The following SPIN3 variants were observed in gnomAD, a reference collection of about 807,000 sequenced individuals.
SPIN3 encodes spindlin-3.
For synonymous variants in SPIN3, 74 were observed against 74.3 expected (o/e 1.00, Z 0.02); for missense variants, 176 against 196.4 (o/e 0.90, Z 0.62).
In SPIN3 at chrX:56,991,569, G is replaced by C. The variant is rs1924338272; in HGVS notation, c.*2602C>G. The C allele has an allele frequency of 8.9e-6, 1 of 112,361 alleles. No individual in the cohort carries two copies. Among genetic ancestry groups the C allele is most frequent in the South Asian group, 3.7e-4 (1 of 2,699 alleles). The allele number at this position is 112,361 out of a possible 1,213,427, so 9.3% of individuals were successfully genotyped here. ...TTCTTGAGTCAGGAGCATGGAGAGA[G>C]GAAGAGGATAGATCCCATCATACCC... On this transcript the variant is annotated 3_prime_UTR_variant, in exon 2 of 2. Transcript: ENST00000374919.
chrX:56,986,981 A>T (rs1924234163), downstream of SPIN3, among the ~76,000 whole-genome samples: 1 of 111,387 alleles, frequency 9.0e-6, no homozygotes, highest in African/African-American at 3.3e-5. Context: ...AAAATACAAA[A>T]TTAACCAGGC....
rs1029288664 is a variant in SPIN3, at chrX:56,992,036, C to G, written c.*2135G>C. On this transcript the variant is annotated 3_prime_UTR_variant, in exon 2 of 2. Transcript: ENST00000374919. ...AAACTCCAAGGGAAAAAGGACTGCC[C>G]AAAATTAAATTTCTAATTCAAAGTC... The G allele has an allele frequency of 3.4e-6, 1 of 296,868 alleles. No individual in the cohort carries two copies. The highest frequency in any genetic ancestry group is 5.9e-6 in the Non-Finnish European group (1 of 169,949). 24.5% of individuals were successfully genotyped at this position (296,868 alleles called of 1,213,427 possible). A position where few individuals can be genotyped will look rare whatever the true frequency, so the allele number is the denominator to read the frequency against.
At chrX:56,981,716 G>A (rs1202066495) in intron 3 of SPIN3, 1 of 112,071 alleles carries the variant, frequency 8.9e-6, no homozygotes, top group Non-Finnish European at 1.9e-5. Flanking sequence ...TCCTGCAAGA[G>A]TAATATTCAC....
At chrX:56,980,415 C>G (rs1924090527) in intron 3 of SPIN3, 1 of 110,274 alleles carries the variant, frequency 9.1e-6, no homozygotes, top group Non-Finnish European at 1.9e-5. Flanking sequence ...GCATAGTACA[C>G]TATATGGGTA....
Position 56,994,147 on chromosome X carries a change from AT to A in SPIN3, c.*23del. ...TGTCTACAGATTTAGAGTCTCATAT[AT>A]TTGGCAAATTTCAAGATGACCTCTA... On this transcript the variant is annotated 3_prime_UTR_variant, in exon 2 of 2. Transcript: ENST00000374919. 8.6e-7 allele frequency: 1 copy of A among 1,167,695 alleles called. No homozygotes were observed. The highest frequency in any genetic ancestry group is 3.0e-5 in the East Asian group (1 of 33,495).
At chrX:56,986,686 T>G (rs1924228049), downstream of SPIN3, among the ~76,000 whole-genome samples, 1 of 112,009 alleles carries the variant, frequency 8.9e-6, no homozygotes, top group African/African-American at 3.2e-5. Flanking sequence ...ACCAGAAAAA[T>G]AGGTATACAC....
intron 1 of SPIN3, 89 bp from the exon 2 acceptor site, chrX:56,995,038 G>A (rs1924459902): frequency 4.1e-6 from 4 of 983,244 alleles, no homozygotes; most frequent in Non-Finnish European, 5.3e-6. Context: ...CTCCTAATCA[G>A]CGCACCCAGT....
At chrX:56,987,498 T>C (rs1924245221), downstream of SPIN3, among the ~76,000 whole-genome samples, 1 of 111,717 alleles carries the variant, frequency 9.0e-6, no homozygotes, top group Non-Finnish European at 1.9e-5. Context: ...TCATACAACT[T>C]ATCACTCTCT....
In SPIN3 at chrX:56,992,319, C is replaced by G. The variant is rs186348309; in HGVS notation, c.*1852G>C. ...TAAGATTATCACAATATCAACCTCA[C>G]ATCAAAAAAATTAGAAAGCACACTA... On this transcript the variant is annotated 3_prime_UTR_variant, in exon 2 of 2. Transcript: ENST00000374919. The G allele has an allele frequency of 1.5e-3, 433 of 294,925 alleles. 5 individuals carry two copies. In the East Asian group the frequency reaches 0.019, roughly 13 times the overall value. The allele number at this position is 294,925 out of a possible 1,213,427, so 24.3% of individuals were successfully genotyped here. A position where few individuals can be genotyped will look rare whatever the true frequency, so the allele number is the denominator to read the frequency against.
chrX:56,977,944 G>GT (rs1924039696), intron 5 of SPIN3: 1 of 111,843 alleles, frequency 8.9e-6, no homozygotes, highest in Non-Finnish European at 1.9e-5. Context: ...CTCCAGAACT[G>GT]TAAGAAATAC....
chrX:56,986,606 C>T (rs1050697019), downstream of SPIN3, among the ~76,000 whole-genome samples: 13 of 111,952 alleles, frequency 1.2e-4, no homozygotes, highest in African/African-American at 4.2e-4. Flanking sequence ...ACTGACATCC[C>T]GACATCCTCC....
At chrX:56,984,237 A>C (rs748632598) in intron 3 of SPIN3, 11 of 222,535 alleles carry the variant, frequency 4.9e-5, no homozygotes, top group Non-Finnish European at 9.2e-5. Context: ...ATAGGGTTGG[A>C]AGAGGATATT....
rs1200998768 is a variant in SPIN3 at position 56,993,908 on chromosome X, TA to T, written c.*262del. 25 of 292,399 alleles carry T rather than the reference TA, an allele frequency of 8.5e-5. No individual in the cohort carries two copies. Among genetic ancestry groups the T allele is most frequent in the East Asian group, 1.2e-4 (2 of 17,007 alleles). The allele number at this position is 292,399 out of a possible 1,213,427, so 24.1% of individuals were successfully genotyped here. A position where few individuals can be genotyped will look rare whatever the true frequency, so the allele number is the denominator to read the frequency against. On this transcript the variant is annotated 3_prime_UTR_variant, in exon 2 of 2. Transcript: ENST00000374919. ...TTTAATCTATTAACACCACCCAAGA[TA>T]AAAAAAAGTATGAGCCAATGGATGT...
intron 5 of SPIN3, chrX:56,978,185 G>C (rs1924044482): frequency 8.9e-6 from 1 of 112,046 alleles, no homozygotes; most frequent in African/African-American, 3.2e-5. Context: ...CATAAAGCTA[G>C]ACCACACTGC....
downstream of SPIN3, among the ~76,000 whole-genome samples, chrX:56,989,252 C>T (rs1011412813): frequency 7.2e-5 from 8 of 111,270 alleles, no homozygotes; most frequent in Non-Finnish European, 1.3e-4. Context: ...GGATCTTGAA[C>T]TTAACGCTAA....
chrX:56,991,965 G>C lies in SPIN3; in HGVS notation c.*2206C>G, dbSNP rs749341982. The C allele has an allele frequency of 3.4e-6, 1 of 290,429 alleles. No homozygotes were observed. The highest frequency in any genetic ancestry group is 2.8e-5 in the African/African-American group (1 of 36,251). The allele number at this position is 290,429 out of a possible 1,213,427, so 23.9% of individuals were successfully genotyped here. A position where few individuals can be genotyped will look rare whatever the true frequency, so the allele number is the denominator to read the frequency against. On this transcript the variant is annotated 3_prime_UTR_variant, in exon 2 of 2. Transcript: ENST00000374919. ...ACAATATCAACAACATAATAAAAAT[G>C]CCTTAGTTTGAACTATATGACCTCA...
Position 56,993,804 on chromosome X carries a change from A to G in SPIN3, c.*367T>C, listed in dbSNP as rs1016688561. 1.6e-5 allele frequency: 2 copies of G among 126,667 alleles called. No homozygotes were observed. The highest frequency in any genetic ancestry group is 6.4e-5 in the African/African-American group (2 of 31,153). 10.4% of individuals were successfully genotyped at this position (126,667 alleles called of 1,213,427 possible). On this transcript the variant is annotated 3_prime_UTR_variant, in exon 2 of 2. Coordinates refer to ENST00000374919, the MANE Select transcript of SPIN3 (RefSeq NM_001010862.3). ...ACACTTACCCAGCCAGTCACATGGGATATCTCAGCAAGCTTCACACCTCAA... is the reference window on the plus strand; with the variant it reads ...ACACTTACCCAGCCAGTCACATGGGGTATCTCAGCAAGCTTCACACCTCAA...
At chrX:56,988,658 A>C (rs1924270065), downstream of SPIN3, among the ~76,000 whole-genome samples, 1 of 111,155 alleles carries the variant, frequency 9.0e-6, no homozygotes, top group African/African-American at 3.3e-5. Flanking sequence ...GTGATTTTCA[A>C]TGTGGGGTCC....
In SPIN3 at chrX:56,991,451, A is replaced by G. The variant is rs887155370; in HGVS notation, c.*2720T>C. ...ACCATTTTCTCAATCTCATCAAGTT[A>G]TTCCTCCTCCCAAGCATAAGATTGA... On this transcript the variant is annotated 3_prime_UTR_variant, in exon 2 of 2. Transcript: ENST00000374919. 8.9e-6 allele frequency: 1 copy of G among 112,237 alleles called. No homozygotes were observed. Among genetic ancestry groups the G allele is most frequent in the Non-Finnish European group, 1.9e-5 (1 of 53,300 alleles). 9.2% of individuals were successfully genotyped at this position (112,237 alleles called of 1,213,427 possible). A position where few individuals can be genotyped will look rare whatever the true frequency, so the allele number is the denominator to read the frequency against.
Sources: gnomAD v4.1 joint callset for allele counts (sites outside exome capture counted in the v4.1 genomes callset) on GRCh38, gnomAD v4.1.1 for gene constraint, MANE v1.5 for transcripts, NCBI Gene and HGNC (gene_info 2026-07-23, HGNC 2026-07-21) for gene names.